The following MAIP1 variants were observed in gnomAD, a reference collection of about 807,000 sequenced individuals.
MAIP1 encodes m-AAA protease-interacting protein 1, mitochondrial.
A neutral mutation model predicts 31.2 loss-of-function variants in MAIP1; 28 were observed. The observed-to-expected ratio is 0.90, with a 90% CI of 0.67 to 1.23. The LOEUF (loss-of-function observed/expected upper bound fraction) is 1.23. Ranked by LOEUF, MAIP1 falls within the 50% of genes most tolerant of loss-of-function variation. The pLI is 0.00. For synonymous variants in MAIP1, 142 were observed against 142.3 expected (o/e 1.00, Z 0.02); for missense variants, 339 against 356.0 (o/e 0.95, Z 0.38).
rs78605094 is a variant in MAIP1, at chr2:199,960,906, T to C, written c.650-875T>C. Among the ~76,000 whole-genome samples the C allele has an allele frequency of 2.5e-3, 379 of 152,328 alleles. 2 individuals carry two copies. Among genetic ancestry groups the C allele is most frequent in the African/African-American group, 8.7e-3 (360 of 41,564 alleles). Reference sequence around the variant, plus strand: ...TTTTCATGCACACATTATTTTGAAATATTTGTAAAGATATTTTTAGTGATA... The same window carrying C: ...TTTTCATGCACACATTATTTTGAAACATTTGTAAAGATATTTTTAGTGATA... On this transcript the variant is annotated intron_variant, in intron 3 of 4. Coordinates refer to ENST00000392290, the MANE Select transcript of MAIP1 (RefSeq NM_001394955.1).
intron 4 of MAIP1, among the ~76,000 whole-genome samples, chr2:199,962,295 G>C (rs1482153679): frequency 2.0e-5 from 3 of 152,146 alleles, no homozygotes; most frequent in South Asian, 2.1e-4. Context: ...GGCAGGAGCT[G>C]GAGGATTCAT....
At position 199,961,803 on chromosome 2, in the gene MAIP1, G is replaced by A; in HGVS notation, c.672G>A (p.Leu224=). ...AAGGAAGGAAGTTTGTTAACATCCTGATGTGCTTTTGGTATCTAACCAGTG... is the reference window on the plus strand; with the variant it reads ...AAGGAAGGAAGTTTGTTAACATCCTAATGTGCTTTTGGTATCTAACCAGTG... ...DEKGRKFVNI[L]MCFWYLTSAN... Residue 224 remains leucine (L), a synonymous_variant, in exon 4 of 5, where the codon CTG becomes CTA. Coordinates refer to ENST00000392290, the MANE Select transcript of MAIP1 (RefSeq NM_001394955.1). 6.2e-7 allele frequency: 1 copy of A among 1,613,616 alleles called. No individual in the cohort carries two copies. Among genetic ancestry groups the A allele is most frequent in the South Asian group, 1.1e-5 (1 of 90,914 alleles).
Position 199,959,275 on chromosome 2 carries a change from C to T in MAIP1, c.458C>T (p.Ala153Val), listed in dbSNP as rs753158029. ...EFSEGAKQAFAHVSKLLSQCK... is the reference protein window; with the variant it reads ...EFSEGAKQAFVHVSKLLSQCK... The stretch of plus-strand genomic sequence containing the variant: ...CTTAATATTTTTTTCAAGGCTTTTG[C>T]TCATGTATCCAAGTTGCTGTCACAG... The change falls in exon 2 of 5, where the codon GCT becomes GTT. Residue 153 changes from alanine (A) to valine (V), a missense_variant. Transcript: ENST00000392290. 1 of 1,570,230 alleles carries T rather than the reference C, an allele frequency of 6.4e-7. No individual in the cohort carries two copies. The highest frequency in any genetic ancestry group is 1.1e-5 in the South Asian group (1 of 89,842).
intron 2 of MAIP1, 45 bp from the exon 3 acceptor site, chr2:199,959,709 A>G (rs748040122): frequency 5.1e-6 from 8 of 1,554,440 alleles, no homozygotes; most frequent in Non-Finnish European, 6.1e-6. Context: ...GAAAGTTTTC[A>G]AAAATTGTAT....
Position 199,956,063 on chromosome 2 carries a change from C to G in MAIP1, c.265C>G (p.Pro89Ala). The G allele has an allele frequency of 6.2e-7, 1 of 1,613,016 alleles. No individual in the cohort carries two copies. The highest frequency in any genetic ancestry group is 2.2e-5 in the East Asian group (1 of 44,850). ...PGLPAAFASF[P>A]ACPQRSYSTE... ...ACTCCCCGCAGCCTTCGCTTCTTTC[C>G]CTGCCTGCCCTCAGCGCAGCTACAG... Residue 89 changes from proline to alanine, a missense_variant, in exon 1 of 5, where the codon CCT (proline) becomes GCT (alanine). Physicochemically the swap from Pro to Ala is conservative, Grantham distance 27. Transcript: ENST00000392290.
chr2:199,955,669 G>C lies in MAIP1; in HGVS notation c.-130G>C. ...CGTGCTGGAGAGCGGGGACGGGGCC[G>C]ACTCACCAGAGGCTGCAGCAACAGG... On this transcript the variant is annotated 5_prime_UTR_variant, in exon 1 of 5. Transcript: ENST00000392290. The C allele has an allele frequency of 8.9e-7, 1 of 1,125,122 alleles. No homozygotes were observed. Among genetic ancestry groups the C allele is most frequent in the Non-Finnish European group, 1.2e-6 (1 of 809,204 alleles). 69.7% of individuals were successfully genotyped at this position (1,125,122 alleles called of 1,614,324 possible).
intron 3 of MAIP1, 97 bp downstream of exon 3, chr2:199,959,977 A>G: frequency 1.7e-6 from 2 of 1,153,962 alleles, no homozygotes; most frequent in Middle Eastern, 2.8e-4. Flanking sequence ...TGTCAGGACA[A>G]GTATTTATAG....
At chr2:199,963,520 C>G (rs1307404575) in intron 4 of MAIP1, among the ~76,000 whole-genome samples, 1 of 152,130 alleles carries the variant, frequency 6.6e-6, no homozygotes, top group Non-Finnish European at 1.5e-5. Context: ...ATTAAAAATA[C>G]TTACATTACT....
chr2:199,955,543 G>A, upstream of MAIP1: 1 of 1,548,350 alleles, frequency 6.5e-7, no homozygotes, highest in Admixed American at 1.9e-5. Context: ...CCATCCGCCC[G>A]GAAACACGAG....
chr2:199,960,185 C>T (rs2077628802), intron 3 of MAIP1, among the ~76,000 whole-genome samples: 1 of 152,136 alleles, frequency 6.6e-6, no homozygotes, highest in Non-Finnish European at 1.5e-5. Flanking sequence ...ATTTATGTTT[C>T]AGATTTCCTA....
chr2:199,959,861 C>T lies in MAIP1; in HGVS notation c.630C>T (p.Ser210=). 2 of 1,611,786 alleles carry T rather than the reference C, an allele frequency of 1.2e-6. No homozygotes were observed. Among genetic ancestry groups the T allele is most frequent in the African/African-American group, 2.7e-5 (2 of 74,986 alleles). The change falls in exon 3 of 5, where the codon TCC becomes TCT. Residue 210 remains serine, a synonymous_variant. Transcript: ENST00000392290. ...EIVFTSTGDI[S]IYYDEKGRKF... ...TATTTACATCAACAGGAGACATCTCCATTTACTATGATGAGAAAGGTAATA... is the reference window on the plus strand; with the variant it reads ...TATTTACATCAACAGGAGACATCTCTATTTACTATGATGAGAAAGGTAATA...
At chr2:199,959,688 G>A in intron 2 of MAIP1, 66 bp from the exon 3 acceptor site, 2 of 1,382,952 alleles carry the variant, frequency 1.4e-6, no homozygotes, top group Middle Eastern at 1.9e-4. Flanking sequence ...CCATGATAAA[G>A]ATCACTTTTT....
rs2077602599 is a variant in MAIP1, at chr2:199,956,201, T to G, written c.403T>G (p.Phe135Val). 3.7e-6 allele frequency: 6 copies of G among 1,614,072 alleles called. No individual in the cohort carries two copies. The highest frequency in any genetic ancestry group is 5.1e-6 in the Non-Finnish European group (6 of 1,179,984). The change falls in exon 1 of 5, where the codon TTC (phenylalanine) becomes GTC (valine). Residue 135 changes from phenylalanine (F) to valine (V), a missense_variant. Transcript: ENST00000392290. ...TAAGGCCTTCCTTATCTGGGCCTAT[T>G]TCGACAAAGAGTTCAGCATCACAGA... ...RIKAFLIWAY[F>V]DKEFSITEFS...
At position 199,955,841 on chromosome 2, in the gene MAIP1, C is replaced by G. The variant is rs766367458; in HGVS notation, c.43C>G (p.Arg15Gly). Residue 15 changes from arginine (R) to glycine (G), a missense_variant, in exon 1 of 5, where the codon CGG (arginine) becomes GGG (glycine). Physicochemically the swap from Arg to Gly is moderately radical, Grantham distance 125. Transcript: ENST00000392290. Reference sequence around the variant, plus strand: ...TTTGCTACCCCAGTTCCTGCACTCTCGGTCGCTGCCCTGCGGGGCCGTCCG... The same window carrying G: ...TTTGCTACCCCAGTTCCTGCACTCTGGGTCGCTGCCCTGCGGGGCCGTCCG... ...ARLLPQFLHS[R>G]SLPCGAVRLR... 6.6e-7 allele frequency: 1 copy of G among 1,522,388 alleles called. No individual in the cohort carries two copies. The highest frequency in any genetic ancestry group is 1.3e-5 in the South Asian group (1 of 75,796). The allele number at this position is 1,522,388 out of a possible 1,614,324, so 94.3% of individuals were successfully genotyped here.
chr2:199,955,725 C>G lies in MAIP1; in HGVS notation c.-74C>G. The G allele has an allele frequency of 7.1e-7, 1 of 1,413,606 alleles. No homozygotes were observed. Among genetic ancestry groups the G allele is most frequent in the Non-Finnish European group, 9.5e-7 (1 of 1,050,980 alleles). The allele number at this position is 1,413,606 out of a possible 1,614,324, so 87.6% of individuals were successfully genotyped here. On this transcript the variant is annotated 5_prime_UTR_variant, in exon 1 of 5. Coordinates refer to ENST00000392290, the MANE Select transcript of MAIP1 (RefSeq NM_001394955.1). ...TTTGCTCTCCAGTCTCTTTCTCCGA[C>G]ACCGCTGAGGCGGTTTCCCACCGAC... is the stretch of plus-strand genomic sequence containing the variant.
In MAIP1 at chr2:199,956,098, G is replaced by A. The variant is rs2077601299; in HGVS notation, c.300G>A (p.Glu100=). 3.7e-6 allele frequency: 6 copies of A among 1,614,076 alleles called. No homozygotes were observed. Among genetic ancestry groups the A allele is most frequent in the Non-Finnish European group, 5.1e-6 (6 of 1,180,032 alleles). Residue 100 remains glutamate (E), a synonymous_variant, in exon 1 of 5, where the codon GAG becomes GAA. Coordinates refer to ENST00000392290, the MANE Select transcript of MAIP1 (RefSeq NM_001394955.1). ...CTCAGCGCAGCTACAGCACGGAGGA[G>A]AAGCCCCAGCAGCACCAGAAAACCA... ...ACPQRSYSTE[E]KPQQHQKTKM... is the part of the protein sequence containing the mutation.
At chr2:199,956,924 C>G (rs1255693482) in intron 1 of MAIP1, among the ~76,000 whole-genome samples, 3 of 152,186 alleles carry the variant, frequency 2.0e-5, no homozygotes, top group Non-Finnish European at 4.4e-5. Context: ...AGATTCTTAT[C>G]CCTGACTTTG....
intron 1 of MAIP1, among the ~76,000 whole-genome samples, chr2:199,957,671 G>T (rs2077615271): frequency 6.6e-6 from 1 of 152,048 alleles, no homozygotes. Flanking sequence ...GTCAACTCTT[G>T]ACTACTATAT....
intron 1 of MAIP1, among the ~76,000 whole-genome samples, chr2:199,958,340 A>T (rs76518299): frequency 0.034 from 5,205 of 152,170 alleles, 134 homozygotes; most frequent in East Asian, 0.13. Flanking sequence ...TTAAGGCTTT[A>T]TCTCCAAATA....
Sources: gnomAD v4.1 joint callset for allele counts (sites outside exome capture counted in the v4.1 genomes callset) on GRCh38, gnomAD v4.1.1 for gene constraint, MANE v1.5 for transcripts, NCBI Gene and HGNC (gene_info 2026-07-23, HGNC 2026-07-21) for gene names.